The following ZCCHC7 variants were observed in gnomAD, a reference collection of about 807,000 sequenced individuals.
ZCCHC7 encodes zinc finger CCHC domain-containing protein 7.
In ZCCHC7, 35 loss-of-function variants were observed where a neutral mutation model predicts 52.0. The observed-to-expected ratio is 0.67, with a 90% CI of 0.51 to 0.89. The LOEUF (loss-of-function observed/expected upper bound fraction) is 0.89, where lower values mean the gene tolerates loss of function less well. Among genes scored for constraint, ZCCHC7 ranks in the 40% least tolerant of loss-of-function variants. ZCCHC7 has a pLI of 0.00. For missense variants in ZCCHC7, 574 were observed against 649.1 expected (o/e 0.88, Z 1.26); for synonymous variants, 217 against 221.5 (o/e 0.98, Z 0.18).
At chr9:37,165,977 G>C (rs1296362253) in intron 2 of ZCCHC7, among the ~76,000 whole-genome samples, 1 of 152,212 alleles carries the variant, frequency 6.6e-6, no homozygotes, top group Non-Finnish European at 1.5e-5. Context: ...AATAGACATA[G>C]CTAATCAGGC....
intron 2 of ZCCHC7, among the ~76,000 whole-genome samples, chr9:37,131,431 A>T (rs550225499): frequency 6.6e-6 from 1 of 152,004 alleles, no homozygotes; most frequent in Non-Finnish European, 1.5e-5. Context: ...GGATCACTTG[A>T]GGTCAGGAGT....
At chr9:37,194,767 TAGA>T (rs779447872) in intron 2 of ZCCHC7, among the ~76,000 whole-genome samples, 1 of 152,204 alleles carries the variant, frequency 6.6e-6, no homozygotes, top group South Asian at 2.1e-4. Context: ...CTCTAACAAA[TAGA>T]AGGAATTTAA....
chr9:37,134,252 T>C (rs1348226840), intron 2 of ZCCHC7, among the ~76,000 whole-genome samples: 7 of 152,172 alleles, frequency 4.6e-5, no homozygotes, highest in Non-Finnish European at 1.0e-4. Context: ...TCTCTTCCTT[T>C]TTTTAATTTC....
intron 5 of ZCCHC7, among the ~76,000 whole-genome samples, chr9:37,311,901 A>T (rs1359315460): frequency 6.6e-6 from 1 of 152,198 alleles, no homozygotes; most frequent in Non-Finnish European, 1.5e-5. Context: ...TTTTATTTAG[A>T]TTTTTATTAA....
chr9:37,161,380 C>A (rs1034383472), intron 2 of ZCCHC7, among the ~76,000 whole-genome samples: 3 of 152,106 alleles, frequency 2.0e-5, no homozygotes, highest in Admixed American at 2.0e-4. Context: ...CGAGACCATC[C>A]TGGCTAACAC....
intron 2 of ZCCHC7, among the ~76,000 whole-genome samples, chr9:37,190,087 T>C (rs1822940233): frequency 6.6e-6 from 1 of 152,168 alleles, no homozygotes; most frequent in South Asian, 2.1e-4. Context: ...TGCACATTTC[T>C]TGCAGCTGTG....
Position 37,278,709 on chromosome 9 carries a change from G to A in ZCCHC7, c.611-23479G>A, listed in dbSNP as rs1043878814. On this transcript the variant is annotated intron_variant, in intron 2 of 8. Transcript: ENST00000336755. ...AAAATCTTATAAATAGTAACAGAAA[G>A]GAATAATAATAAAACTGAGAGTTGA... 3.9e-5 allele frequency among the ~76,000 whole-genome samples: 6 copies of A among 152,084 alleles called. No homozygotes were observed. The East Asian group carries it at 5.8e-4, about 15-fold the overall frequency.
In ZCCHC7 at chr9:37,126,355, CTA is replaced by C; in HGVS notation, c.26_27del (p.Ile9ArgfsTer6). Reference sequence around the variant, plus strand: ...TTTATGATGTTTGGTGGCTATGAGACTATAGAAGCATACGAAGATGATCTTTA... The same window carrying C: ...TTTATGATGTTTGGTGGCTATGAGACTAGAAGCATACGAAGATGATCTTTA... On this transcript the variant is annotated frameshift_variant, in exon 2 of 9. Transcript: ENST00000336755. LOFTEE classifies it high-confidence loss of function. 6.2e-7 allele frequency: 1 copy of C among 1,613,688 alleles called. No homozygotes were observed. The highest frequency in any genetic ancestry group is 1.1e-5 in the South Asian group (1 of 91,016).
At chr9:37,347,333 A>G (rs926634026) in intron 6 of ZCCHC7, among the ~76,000 whole-genome samples, 4 of 152,164 alleles carry the variant, frequency 2.6e-5, no homozygotes, top group African/African-American at 7.2e-5. Context: ...GCTTCTCAAT[A>G]TATAACTTCT....
chr9:37,193,877 T>C (rs367564832), intron 2 of ZCCHC7, among the ~76,000 whole-genome samples: 37 of 152,326 alleles, frequency 2.4e-4, no homozygotes, highest in African/African-American at 8.7e-4. Context: ...ACCTGAAGTC[T>C]CATCTCCTCC....
rs1391888372 is a variant in ZCCHC7, at chr9:37,288,654, A to G, written c.611-13534A>G. 2.0e-5 allele frequency among the ~76,000 whole-genome samples: 3 copies of G among 152,182 alleles called. No homozygotes were observed. In the East Asian group the frequency reaches 5.8e-4, roughly 29 times the overall value. The stretch of plus-strand genomic sequence containing the variant: ...AATAGGATCACCAGTGACTTTCCTA[A>G]TAAATTCAAGGGTCAGTTCTCAGTC... On this transcript the variant is annotated intron_variant, in intron 2 of 8. Coordinates refer to ENST00000336755, the MANE Select transcript of ZCCHC7 (RefSeq NM_032226.3).
chr9:37,182,811 T>C (rs1443322856), intron 2 of ZCCHC7, among the ~76,000 whole-genome samples: 1 of 152,210 alleles, frequency 6.6e-6, no homozygotes, highest in African/African-American at 2.4e-5. Context: ...GGTGGATACA[T>C]TGTTAAATCG....
At chr9:37,337,433 T>G (rs1830732794) in intron 6 of ZCCHC7, among the ~76,000 whole-genome samples, 2 of 112,932 alleles carry the variant, frequency 1.8e-5, no homozygotes, top group African/African-American at 6.9e-5. Context: ...ATGAGTTGTG[T>G]TATCTGGATG....
At chr9:37,267,697 G>A (rs988054847) in intron 2 of ZCCHC7, among the ~76,000 whole-genome samples, 11 of 151,082 alleles carry the variant, frequency 7.3e-5, no homozygotes, top group Non-Finnish European at 1.5e-4. Context: ...AGCCTCCCGA[G>A]TAGCTGGGAC....
intron 2 of ZCCHC7, among the ~76,000 whole-genome samples, chr9:37,194,564 G>T (rs1823187942): frequency 6.6e-6 from 1 of 152,176 alleles, no homozygotes; most frequent in South Asian, 2.1e-4. Context: ...AGAGCTTGGT[G>T]TTGCACAGAT....
intron 2 of ZCCHC7, among the ~76,000 whole-genome samples, chr9:37,151,212 C>G (rs1045791942): frequency 1.3e-5 from 2 of 151,880 alleles, no homozygotes; most frequent in Non-Finnish European, 2.9e-5. Flanking sequence ...GTGATCCACC[C>G]GCCTCGGCCT....
chr9:37,276,343 T>A (rs958591577), intron 2 of ZCCHC7, among the ~76,000 whole-genome samples: 1 of 152,220 alleles, frequency 6.6e-6, no homozygotes, highest in Non-Finnish European at 1.5e-5. Context: ...TTTTTTGTTT[T>A]ATTTTGTTTC....
chr9:37,226,359 G>C lies in ZCCHC7; in HGVS notation c.611-75829G>C, dbSNP rs1825104378. ...ATTTTTAAGGTTGCAATTTTTTCCAGATGTATCTATTTATTCAGTGCAATA... is the reference window on the plus strand; with the variant it reads ...ATTTTTAAGGTTGCAATTTTTTCCACATGTATCTATTTATTCAGTGCAATA... On this transcript the variant is annotated intron_variant, in intron 2 of 8. Transcript: ENST00000336755. 2.0e-5 allele frequency among the ~76,000 whole-genome samples: 3 copies of C among 152,098 alleles called. No homozygotes were observed. The South Asian group carries it at 6.2e-4, about 32-fold the overall frequency.
chr9:37,268,380 T>G (rs1439800124), intron 2 of ZCCHC7, among the ~76,000 whole-genome samples: 1 of 150,788 alleles, frequency 6.6e-6, no homozygotes, highest in East Asian at 1.9e-4. Context: ...AAGTCATGAA[T>G]GTACTCTTGA....
Sources: allele counts gnomAD v4.1 joint callset (sites outside exome capture counted in the v4.1 genomes callset), GRCh38; gene constraint gnomAD v4.1.1; transcripts MANE v1.5; gene names NCBI Gene and HGNC (gene_info 2026-07-23, HGNC 2026-07-21).